Variants in MASP2 observed in about 807,000 individuals in gnomAD.
MASP2 encodes the protein mannan-binding lectin serine protease 2.
Under a neutral mutation model 57.1 loss-of-function variants are expected in MASP2, and 49 were observed. The observed-to-expected ratio is 0.86, with a 90% confidence interval of 0.68 to 1.09. The LOEUF is 1.09. Among genes scored for constraint, MASP2 ranks in the 50% least tolerant of loss-of-function variants. The pLI, the probability that MASP2 is intolerant of heterozygous loss-of-function variation, is 0.00. For synonymous variants in MASP2, 379 were observed against 340.8 expected (o/e 1.11, Z -1.24); for missense variants, 900 against 874.8 (o/e 1.03, Z -0.36).
intron 4 of MASP2, among the ~76,000 whole-genome samples, chr1:11,043,863 C>A (rs1050470335): frequency 2.6e-5 from 4 of 151,872 alleles, no homozygotes; most frequent in South Asian, 4.2e-4. Context: ...GCCAGAGTCG[C>A]AACCCCAGGG....
chr1:11,033,219 T>C (rs1643865787), intron 8 of MASP2, among the ~76,000 whole-genome samples: 1 of 151,418 alleles, frequency 6.6e-6, no homozygotes, highest in Non-Finnish European at 1.5e-5. Context: ...TCCCAGCTAC[T>C]AGGGAGGCTG....
At chr1:11,034,739 G>GA (rs1643875588) in intron 8 of MASP2, 89 bp downstream of exon 8, 1 of 800,374 alleles carries the variant, frequency 1.2e-6, no homozygotes, top group South Asian at 2.1e-5. Context: ...AAAGTAAACA[G>GA]AAAACCAGAG....
intron 10 of MASP2, 75 bp from the exon 11 acceptor site, chr1:11,027,723 TGAA>T: frequency 6.8e-7 from 1 of 1,480,014 alleles, no homozygotes; most frequent in Non-Finnish European, 9.1e-7. Context: ...ATGACCGCCT[TGAA>T]GTATATATTT....
intron 7 of MASP2, among the ~76,000 whole-genome samples, chr1:11,037,040 G>A (rs1291513700): frequency 6.6e-6 from 1 of 151,966 alleles, no homozygotes; most frequent in African/African-American, 2.4e-5. Context: ...CAGAAAAGTT[G>A]CCCGTTTTAT....
intron 8 of MASP2, among the ~76,000 whole-genome samples, chr1:11,031,381 TAGCC>T (rs1171202428): frequency 6.6e-6 from 1 of 150,580 alleles, no homozygotes; most frequent in Non-Finnish European, 1.5e-5. Context: ...AAAAAAAAAT[TAGCC>T]AGGCGTGGTA....
intron 10 of MASP2, among the ~76,000 whole-genome samples, chr1:11,028,744 C>T (rs566381102): frequency 8.7e-4 from 124 of 142,208 alleles, no homozygotes; most frequent in African/African-American, 3.0e-3. Flanking sequence ...GACAGAGTCT[C>T]GCTCTGTCAC....
intron 4 of MASP2, chr1:11,045,119 AC>A: frequency 2.7e-6 from 2 of 753,184 alleles, no homozygotes; most frequent in Admixed American, 2.2e-5. Flanking sequence ...AGGGCTAGAT[AC>A]CCCCGACTCT....
At chr1:11,043,260 G>T (rs1277660068) in intron 5 of MASP2, 79 bp downstream of exon 5, 4 of 1,285,918 alleles carry the variant, frequency 3.1e-6, no homozygotes, top group East Asian at 4.9e-5. Context: ...CGTGGTGGGG[G>T]CCATGCTGCA....
In MASP2 at chr1:11,027,108, G is replaced by A. The variant is rs75093796; in HGVS notation, c.1838C>T (p.Thr613Ile). 3.3e-5 allele frequency: 53 copies of A among 1,609,362 alleles called. No homozygotes were observed. The East Asian group carries it at 1.1e-3, about 35-fold the overall frequency. The change falls in exon 11 of 11, where the codon ACT (threonine) becomes ATT (isoleucine). Residue 613 changes from threonine (T) to isoleucine (I), a missense_variant. Transcript: ENST00000400897. Reference sequence around the variant, plus strand: ...TAAGCCAGCACAAAGCATGTTAGCAGTTACACTTCCCCTTGGATAGGGTGG... The same window carrying A: ...TAAGCCAGCACAAAGCATGTTAGCAATTACACTTCCCCTTGGATAGGGTGG... Reference protein sequence around the residue: ...EKPPYPRGSVTANMLCAGLES... With the variant: ...EKPPYPRGSVIANMLCAGLES...
At position 11,045,111 on chromosome 1, in the gene MASP2, G is replaced by A. The variant is rs1638586424; in HGVS notation, c.544+297C>T. The A allele has an allele frequency of 5.1e-6, 4 of 781,576 alleles. No homozygotes were observed. The Admixed American group carries it at 8.8e-5, about 17-fold the overall frequency. 48.4% of individuals were successfully genotyped at this position (781,576 alleles called of 1,614,324 possible). The stretch of plus-strand genomic sequence containing the variant: ...AGGGAACCAGGTCCCAAGGAACGAG[G>A]GCTAGATACCCCCGACTCTCCCGTG... On this transcript the variant is annotated intron_variant, in intron 4 of 10. Transcript: ENST00000400897.
chr1:11,026,910 A>G lies in MASP2; in HGVS notation c.2036T>C (p.Ile679Thr), dbSNP rs751026105. 1 of 1,491,940 alleles carries G rather than the reference A, an allele frequency of 6.7e-7. No homozygotes were observed. Among genetic ancestry groups the G allele is most frequent in the Admixed American group, 2.5e-5 (1 of 39,618 alleles). 92.4% of individuals were successfully genotyped at this position (1,491,940 alleles called of 1,614,324 possible). A position where few individuals can be genotyped will look rare whatever the true frequency, so the allele number is the denominator to read the frequency against. The change falls in exon 11 of 11, where the codon ATC becomes ACC. Residue 679 changes from isoleucine to threonine, a missense_variant. By Grantham distance (89) the Ile-to-Thr change is moderately conservative. Transcript: ENST00000400897. ...TTAAAAATCACTAATTATGTTCTCGATCCAGGGAATATAGTTAATAACTTT... is the reference window on the plus strand; with the variant it reads ...TTAAAAATCACTAATTATGTTCTCGGTCCAGGGAATATAGTTAATAACTTT... The part of the protein sequence containing the change: ...YTKVINYIPW[I>T]ENIISDF
intron 10 of MASP2, among the ~76,000 whole-genome samples, chr1:11,029,260 A>G (rs1245179409): frequency 1.3e-5 from 2 of 151,554 alleles, no homozygotes. Flanking sequence ...TTGGCCTCCC[A>G]AAGTGCTGGG....
intron 9 of MASP2, 174 bp from the exon 10 acceptor site, chr1:11,030,424 C>T (rs993025831): frequency 5.0e-6 from 3 of 596,428 alleles, no homozygotes; most frequent in Non-Finnish European, 8.8e-6. Context: ...ACCATGTTTG[C>T]TTGCAAAGTG....
At position 11,046,415 on chromosome 1, in the gene MASP2, G is replaced by A. The variant is rs1638639168; in HGVS notation, c.412+141C>T. On this transcript the variant is annotated intron_variant, in intron 3 of 10. Transcript: ENST00000400897. The stretch of plus-strand genomic sequence containing the variant: ...TCACGGCTGTTTTGGTCTTTGCATT[G>A]TGGATGATGTCAGGCCAGAGGCCTC... The A allele has an allele frequency of 4.4e-5, 40 of 906,244 alleles. 1 individual carries two copies. The South Asian group carries it at 4.6e-4, about 10-fold the overall frequency. The allele number at this position is 906,244 out of a possible 1,614,324, so 56.1% of individuals were successfully genotyped here.
rs781121308 is a variant in MASP2 at position 11,027,493 on chromosome 1, C to T, written c.1453G>A (p.Val485Ile). 64 of 1,613,988 alleles carry T rather than the reference C, an allele frequency of 4.0e-5. No homozygotes were observed. Among genetic ancestry groups the T allele is most frequent in the East Asian group, 6.7e-5 (3 of 44,886 alleles). Residue 485 changes from valine (V) to isoleucine (I), a missense_variant, in exon 11 of 11, where the codon GTC becomes ATC. Physicochemically the swap from Val to Ile is conservative, Grantham distance 29. Coordinates refer to ENST00000400897, the MANE Select transcript of MASP2 (RefSeq NM_006610.4). ...DNWVLTAAHA[V>I]YEQKHDASAL... ...GATGCATCATGTTTTTGCTCATAGA[C>T]GGCATGAGCAGCTGTTAGGACCCAG...
At chr1:11,035,673 T>C (rs1643881255) in intron 7 of MASP2, among the ~76,000 whole-genome samples, 1 of 151,990 alleles carries the variant, frequency 6.6e-6, no homozygotes, top group Admixed American at 6.6e-5. Flanking sequence ...GGTGGGAGGA[T>C]TGCTTGAGCT....
At position 11,038,409 on chromosome 1, in the gene MASP2, C is replaced by T. The variant is rs538244639; in HGVS notation, c.890-598G>A. On this transcript the variant is annotated intron_variant, in intron 6 of 10. Coordinates refer to ENST00000400897, the MANE Select transcript of MASP2 (RefSeq NM_006610.4). Reference sequence around the variant, plus strand: ...GCTGTTATGGCATGGGGAGAAAAACCGGCTGACAGACTTGAAACTAAAGAT... The same window carrying T: ...GCTGTTATGGCATGGGGAGAAAAACTGGCTGACAGACTTGAAACTAAAGAT... Among the ~76,000 whole-genome samples, 10 of 152,258 alleles carry T rather than the reference C, an allele frequency of 6.6e-5. No individual in the cohort carries two copies. The East Asian group carries it at 1.7e-3, about 26-fold the overall frequency.
intron 6 of MASP2, among the ~76,000 whole-genome samples, chr1:11,041,795 TAGAAGTA>T (rs1638458913): frequency 1.8e-4 from 26 of 146,864 alleles, no homozygotes; most frequent in East Asian, 4.2e-4. Context: ...GATGGATGGA[TAGAAGTA>T]TGTGTAGGTA....
intron 6 of MASP2, among the ~76,000 whole-genome samples, chr1:11,039,897 T>G (rs1638368755): frequency 9.2e-6 from 1 of 108,316 alleles, no homozygotes; most frequent in African/African-American, 3.0e-5. Context: ...GATGGATGGA[T>G]GGATAGATGG....
Sources: allele counts gnomAD v4.1 joint callset (sites outside exome capture counted in the v4.1 genomes callset), GRCh38; gene constraint gnomAD v4.1.1; transcripts MANE v1.5; gene names NCBI Gene and HGNC (gene_info 2026-07-23, HGNC 2026-07-21).